TNR: variants seen among roughly 807,000 people sequenced by gnomAD.
TNR encodes tenascin-R.
In TNR, 45 loss-of-function variants were observed where a neutral mutation model predicts 150.4. The observed-to-expected ratio is 0.30, with a 90% confidence interval of 0.24 to 0.38. The LOEUF (loss-of-function observed/expected upper bound fraction) is 0.38, where lower values mean the gene tolerates loss of function less well. Ranked by LOEUF, TNR falls within the 10% of genes least tolerant of loss-of-function variation. The pLI, the probability that TNR is intolerant of heterozygous loss-of-function variation, is 1.00. For missense variants in TNR, 1,544 were observed against 1,759.1 expected (o/e 0.88, Z 2.19); for synonymous variants, 687 against 678.4 (o/e 1.01, Z -0.20).
chr1:175,454,478 A>T (rs1571462846), intron 2 of TNR, among the ~76,000 whole-genome samples: 1 of 151,824 alleles, frequency 6.6e-6, no homozygotes, highest in Non-Finnish European at 1.5e-5. Context: ...TCATTCATTT[A>T]TTTATTTTTT....
chr1:175,591,010 G>T (rs1662776774), intron 1 of TNR, among the ~76,000 whole-genome samples: 1 of 152,196 alleles, frequency 6.6e-6, no homozygotes, highest in African/African-American at 2.4e-5. Flanking sequence ...GAGGACAGCA[G>T]TTCCAAGGAA....
At chr1:175,525,090 T>G (rs1361363821) in intron 2 of TNR, among the ~76,000 whole-genome samples, 1 of 152,178 alleles carries the variant, frequency 6.6e-6, no homozygotes, top group Non-Finnish European at 1.5e-5. Context: ...CGGTTACCTC[T>G]ATGTTGCTAT....
intron 1 of TNR, among the ~76,000 whole-genome samples, chr1:175,735,200 C>G (rs1017191645): frequency 1.3e-5 from 2 of 152,210 alleles, no homozygotes; most frequent in Non-Finnish European, 2.9e-5. Flanking sequence ...CTGGACATCT[C>G]TCCTCCCAGC....
rs1650731609 is a variant in TNR, at chr1:175,345,358, T to C, written c.3383-7679A>G. On this transcript the variant is annotated intron_variant, in intron 18 of 22. Coordinates refer to ENST00000367674, the MANE Select transcript of TNR (RefSeq NM_003285.3). ...CTCACAGGCCAGAATATCCATTCAC[T>C]GAAGAGTAAGACTACTGTGAAAGAA... Among the ~76,000 whole-genome samples the C allele has an allele frequency of 2.0e-5, 3 of 152,188 alleles. No homozygotes were observed. In the South Asian group the frequency reaches 6.2e-4, roughly 31 times the overall value.
intron 9 of TNR, among the ~76,000 whole-genome samples, chr1:175,369,403 C>T (rs149915292): frequency 2.6e-5 from 4 of 152,246 alleles, no homozygotes; most frequent in East Asian, 3.9e-4. Context: ...CTTGTAGTTG[C>T]GTCACCCCAG....
intron 9 of TNR, among the ~76,000 whole-genome samples, chr1:175,370,527 C>G (rs2213636): frequency 0.69 from 104,517 of 151,382 alleles, 36,192 homozygotes; most frequent in East Asian, 0.81. Flanking sequence ...TGAGGACCTT[C>G]TCCCTGGCTG....
At chr1:175,327,409 G>A (rs1649463086) in intron 21 of TNR, among the ~76,000 whole-genome samples, 1 of 151,980 alleles carries the variant, frequency 6.6e-6, no homozygotes, top group South Asian at 2.1e-4. Flanking sequence ...TCTCCTATTA[G>A]GTCTGATGCA....
intron 9 of TNR, among the ~76,000 whole-genome samples, chr1:175,372,862 G>A (rs1476964079): frequency 2.6e-5 from 4 of 152,126 alleles, no homozygotes; most frequent in Non-Finnish European, 5.9e-5. Context: ...TGAGGTTAGG[G>A]GTGTGATTGG....
chr1:175,359,562 C>T, intron 15 of TNR, 50 bp downstream of exon 15: 1 of 1,612,108 alleles, frequency 6.2e-7, no homozygotes, highest in South Asian at 1.1e-5. Context: ...TCTGCAGCTC[C>T]AATTCCCACC....
chr1:175,586,395 G>C (rs764868933), intron 1 of TNR, among the ~76,000 whole-genome samples: 104 of 152,130 alleles, frequency 6.8e-4, no homozygotes, highest in Non-Finnish European at 1.3e-3. Context: ...CCGCCTCCCA[G>C]GTTCAAGCGA....
chr1:175,324,966 C>T (rs1249918089), intron 21 of TNR, among the ~76,000 whole-genome samples: 9 of 152,296 alleles, frequency 5.9e-5, no homozygotes, highest in African/African-American at 2.2e-4. Flanking sequence ...TCAGATGACA[C>T]CCAAGAAACT....
At chr1:175,503,130 G>A (rs1658806277) in intron 2 of TNR, among the ~76,000 whole-genome samples, 1 of 152,150 alleles carries the variant, frequency 6.6e-6, no homozygotes, top group African/African-American at 2.4e-5. Context: ...GCCAGTACAC[G>A]TTGCTGAGGA....
At chr1:175,668,258 G>T (rs1237297926) in intron 1 of TNR, among the ~76,000 whole-genome samples, 5 of 152,198 alleles carry the variant, frequency 3.3e-5, no homozygotes, top group African/African-American at 1.2e-4. Flanking sequence ...AGAAGTCAGT[G>T]TGAGAGACAC....
At chr1:175,467,019 C>A (rs1279530361) in intron 2 of TNR, among the ~76,000 whole-genome samples, 1 of 152,082 alleles carries the variant, frequency 6.6e-6, no homozygotes, top group East Asian at 1.9e-4. Flanking sequence ...GGCTGGGATT[C>A]CAGGGCCTGG....
intron 1 of TNR, among the ~76,000 whole-genome samples, chr1:175,710,127 A>G (rs1666967195): frequency 6.6e-6 from 1 of 152,140 alleles, no homozygotes; most frequent in South Asian, 2.1e-4. Flanking sequence ...GAGTGAATGG[A>G]TTGGAGCATG....
At chr1:175,667,660 C>T (rs537903076) in intron 1 of TNR, among the ~76,000 whole-genome samples, 1 of 152,294 alleles carries the variant, frequency 6.6e-6, no homozygotes, top group East Asian at 1.9e-4. Context: ...TGGGCATTGT[C>T]GGGAGCAGCT....
At chr1:175,436,177 G>A (rs911523531) in intron 2 of TNR, among the ~76,000 whole-genome samples, 13 of 152,086 alleles carry the variant, frequency 8.5e-5, no homozygotes, top group African/African-American at 1.2e-4. Context: ...GAATCTGAAC[G>A]TTGGCCTGCC....
chr1:175,333,600 T>C (rs891686960), intron 20 of TNR: 3 of 152,244 alleles, frequency 2.0e-5, no homozygotes, highest in African/African-American at 7.2e-5. Flanking sequence ...GATTTATTGA[T>C]TATCTACATT....
intron 1 of TNR, among the ~76,000 whole-genome samples, chr1:175,658,318 G>T (rs180762717): frequency 1.3e-5 from 2 of 152,294 alleles, no homozygotes; most frequent in Non-Finnish European, 2.9e-5. Flanking sequence ...AAGCAGGTTT[G>T]CCAAAGTCCA....
Sources: gnomAD v4.1 joint callset for allele counts (sites outside exome capture counted in the v4.1 genomes callset) on GRCh38, gnomAD v4.1.1 for gene constraint, MANE v1.5 for transcripts, NCBI Gene and HGNC (gene_info 2026-07-23, HGNC 2026-07-21) for gene names.